NKAIN4: variants seen among roughly 807,000 people sequenced by gnomAD.
NKAIN4 encodes sodium/potassium transporting ATPase interacting 4.
In NKAIN4, 28 loss-of-function variants were observed where a neutral mutation model predicts 28.8. That is an observed-to-expected ratio of 0.97 (90% CI 0.72 to 1.33). The LOEUF is 1.33. Ranked by LOEUF, NKAIN4 falls within the 40% of genes most tolerant of loss-of-function variation. NKAIN4 has a pLI of 0.00. For synonymous variants in NKAIN4, 122 were observed against 115.6 expected, an observed-to-expected ratio of 1.06 and a Z score of -0.36; for missense variants, 289 against 277.2, an observed-to-expected ratio of 1.04 and a Z score of -0.30.
At position 63,247,580 on chromosome 20, in the gene NKAIN4, C is replaced by T. The variant is rs201902703; in HGVS notation, c.469G>A (p.Ala157Thr). Residue 157 changes from alanine (A) to threonine (T), a missense_variant and splice_region_variant, in exon 4 of 7, where the codon GCG (alanine) becomes ACG (threonine). By Grantham distance (58) the Ala-to-Thr change is moderately conservative. Coordinates refer to ENST00000370316, the MANE Select transcript of NKAIN4 (RefSeq NM_152864.4). Reference protein sequence around the residue: ...ALHSCLQILIALLGFVCGCQV... With the variant: ...ALHSCLQILITLLGFVCGCQV... The stretch of plus-strand genomic sequence containing the variant: ...GGGGCCCCCTTCCCCACGCTCACCG[C>T]GATCAGGATCTGCAGGCAACTGTGT... 64 of 1,546,482 alleles carry T rather than the reference C, an allele frequency of 4.1e-5. No individual in the cohort carries two copies. The East Asian group carries it at 9.8e-4, about 24-fold the overall frequency.
chr20:63,253,512 C>CGCGCGGTCCAGCTGCGCT, intron 1 of NKAIN4: 3 of 985,542 alleles, frequency 3.0e-6, no homozygotes, highest in African/African-American at 1.7e-5. Context: ...AGGAGGGGGG[C>CGCGCGGTCCAGCTGCGCT]GCGCGGTCCA....
rs2066741959 is a variant in NKAIN4, at chr20:63,241,086, T to G, written c.*411A>C. ...GGTCTCGGGCCTCACATTGACTTCC[T>G]GGGGAGGCTGCATCCCAGCAGCAGT... is the stretch of plus-strand genomic sequence containing the variant. On this transcript the variant is annotated 3_prime_UTR_variant, in exon 7 of 7. Coordinates refer to ENST00000370316, the MANE Select transcript of NKAIN4 (RefSeq NM_152864.4). 3 of 218,406 alleles carry G rather than the reference T, an allele frequency of 1.4e-5. No homozygotes were observed. The highest frequency in any genetic ancestry group is 9.2e-6 in the Non-Finnish European group (1 of 108,138). The allele number at this position is 218,406 out of a possible 1,614,324, so 13.5% of individuals were successfully genotyped here.
chr20:63,242,700 A>T, intron 5 of NKAIN4, 77 bp from the exon 6 acceptor site: 1 of 1,028,014 alleles, frequency 9.7e-7, no homozygotes, highest in Non-Finnish European at 1.4e-6. Context: ...AAGCCCAACC[A>T]GACAAAGAAG....
At chr20:63,254,474 C>A, upstream of NKAIN4, 3 of 1,302,712 alleles carry the variant, frequency 2.3e-6, no homozygotes, top group Non-Finnish European at 2.9e-6. Flanking sequence ...ACAGGAGGCC[C>A]CCGGGTGCCC....
rs2066745374 is a variant in NKAIN4 at position 63,241,268 on chromosome 20, T to A, written c.*229A>T. Reference sequence around the variant, plus strand: ...TTCTTTTGTATGTTTTCTTTTCTTTTTTTTTTTTAAGAGAAAGGAAATTAC... The same window carrying A: ...TTCTTTTGTATGTTTTCTTTTCTTTATTTTTTTTAAGAGAAAGGAAATTAC... On this transcript the variant is annotated 3_prime_UTR_variant, in exon 7 of 7. Transcript: ENST00000370316. The A allele has an allele frequency of 1.8e-6, 1 of 542,900 alleles. No individual in the cohort carries two copies. The highest frequency in any genetic ancestry group is 2.0e-5 in the African/African-American group (1 of 51,204). The allele number at this position is 542,900 out of a possible 1,614,324, so 33.6% of individuals were successfully genotyped here. A position where few individuals can be genotyped will look rare whatever the true frequency, so the allele number is the denominator to read the frequency against.
Position 63,252,796 on chromosome 20 carries a change from T to C in NKAIN4, c.54+1601A>G, listed in dbSNP as rs776606613. 1.6e-4 allele frequency among the ~76,000 whole-genome samples: 25 copies of C among 152,136 alleles called. No individual in the cohort carries two copies. Among genetic ancestry groups the C allele is most frequent in the Non-Finnish European group, 3.1e-4 (21 of 68,010 alleles). On this transcript the variant is annotated intron_variant, in intron 1 of 6. Transcript: ENST00000370316. The surrounding 1 kb of genome is among the most constrained non-coding windows in gnomAD (Gnocchi z 4.6). ...TTCCAAGGGCCTGCATGTGCGCCCA[T>C]CTGTCTACTGTCCACCGCAGAGGTG...
chr20:63,242,672 G>T lies in NKAIN4; in HGVS notation c.533-49C>A, dbSNP rs558721937. ...AAAACAAAACCTACACAATGGAAAA[G>T]ATGTCAGAGTGGAAAACAAGCCCAA... On this transcript the variant is annotated intron_variant, in intron 5 of 6. Coordinates refer to ENST00000370316, the MANE Select transcript of NKAIN4 (RefSeq NM_152864.4). The T allele has an allele frequency of 4.1e-6, 6 of 1,461,714 alleles. No homozygotes were observed. In the South Asian group the frequency reaches 5.7e-5, roughly 14 times the overall value. 90.5% of individuals were successfully genotyped at this position (1,461,714 alleles called of 1,614,324 possible). A position where few individuals can be genotyped will look rare whatever the true frequency, so the allele number is the denominator to read the frequency against.
At chr20:63,253,758 C>A (rs1189906766) in intron 1 of NKAIN4, among the ~76,000 whole-genome samples, 1 of 152,168 alleles carries the variant, frequency 6.6e-6, no homozygotes, top group Non-Finnish European at 1.5e-5. Context: ...ATCCCGACAC[C>A]GAAGACGCCC....
chr20:63,254,834 C>G (rs1449760587), upstream of NKAIN4: 1 of 182,460 alleles, frequency 5.5e-6, no homozygotes, highest in African/African-American at 2.3e-5. Context: ...AGCACCTGCT[C>G]CCGCCGTGCG....
intron 4 of NKAIN4, chr20:63,247,287 C>T: frequency 7.4e-7 from 1 of 1,351,448 alleles, no homozygotes; most frequent in South Asian, 1.6e-5. Context: ...GGTGTCTCGG[C>T]CTGATCCGAT....
rs949906849 is a variant in NKAIN4 at position 63,249,000 on chromosome 20, G to A, written c.193-105C>T. On this transcript the variant is annotated intron_variant, in intron 2 of 6. Transcript: ENST00000370316. ...GGTCCCATGATCGCATAGGAGGGGC[G>A]GCCTCTGCTCCTGAGTCTGGCGGCC... 1.6e-5 allele frequency: 12 copies of A among 770,106 alleles called. No individual in the cohort carries two copies. In the East Asian group the frequency reaches 1.6e-4, roughly 10 times the overall value. The allele number at this position is 770,106 out of a possible 1,614,324, so 47.7% of individuals were successfully genotyped here.
intron 4 of NKAIN4, chr20:63,246,949 C>A: frequency 1.0e-6 from 1 of 987,044 alleles, no homozygotes; most frequent in East Asian, 1.1e-4. Context: ...AGCATCGTAG[C>A]CCCTGTTCTC....
chr20:63,243,463 T>A (rs2066798125), intron 5 of NKAIN4, among the ~76,000 whole-genome samples: 1 of 151,984 alleles, frequency 6.6e-6, no homozygotes, highest in Admixed American at 6.6e-5. Context: ...CGTCTGCCCT[T>A]CCCCACCCGG....
chr20:63,253,388 G>A, intron 1 of NKAIN4: 1 of 985,414 alleles, frequency 1.0e-6, no homozygotes, highest in Non-Finnish European at 1.2e-6. Context: ...CCGCCCGCAA[G>A]CCTGTGCCCC....
At position 63,241,452 on chromosome 20, in the gene NKAIN4, C is replaced by T. The variant is rs761181248; in HGVS notation, c.*45G>A. ...GCTCCTGTCATTGTCACTGGTCGGT[C>T]GCTGAGGCTGGAGGCCACAGGAGCA... On this transcript the variant is annotated 3_prime_UTR_variant, in exon 7 of 7. Coordinates refer to ENST00000370316, the MANE Select transcript of NKAIN4 (RefSeq NM_152864.4). 9.0e-6 allele frequency: 14 copies of T among 1,549,684 alleles called. No homozygotes were observed. Among genetic ancestry groups the T allele is most frequent in the East Asian group, 2.4e-5 (1 of 40,866 alleles).
intron 2 of NKAIN4, chr20:63,249,271 C>G (rs955626130): frequency 8.0e-6 from 2 of 248,600 alleles, no homozygotes; most frequent in Admixed American, 9.7e-5. Flanking sequence ...AAGCCACCCC[C>G]AAGAGAGCAC....
At chr20:63,247,537 T>C in intron 4 of NKAIN4, 41 bp downstream of exon 4, 1 of 1,545,254 alleles carries the variant, frequency 6.5e-7, no homozygotes, top group Non-Finnish European at 8.7e-7. Context: ...CCCTCCCCCA[T>C]CAACCCATCC....
Position 63,242,621 on chromosome 20 carries a change from C to A in NKAIN4, c.535G>T (p.Asp179Tyr), listed in dbSNP as rs758385036. 6.2e-7 allele frequency: 1 copy of A among 1,610,590 alleles called. No homozygotes were observed. The highest frequency in any genetic ancestry group is 8.5e-7 in the Non-Finnish European group (1 of 1,177,264). ...SVFTEEEDSF[D>Y]FIGGFDPFPL... ...AATGGATCAAATCCACCAATGAAAT[C>A]AACTGAAAGAAATCAAGACCCAAAT... Residue 179 changes from aspartate to tyrosine, a missense_variant and splice_region_variant, in exon 6 of 7, where the codon GAT (aspartate) becomes TAT (tyrosine). Transcript: ENST00000370316.
At position 63,241,510 on chromosome 20, in the gene NKAIN4, TG is replaced by T. The variant is rs2123041097; in HGVS notation, c.618-5del. The stretch of plus-strand genomic sequence containing the variant: ...CTGTTTCCTCACTTACGCAGGCCTG[TG>T]GGGACAAGGTCAGAGAGCACCTGGG... On this transcript the variant is annotated splice_polypyrimidine_tract_variant and splice_region_variant and intron_variant, in intron 6 of 6. Transcript: ENST00000370316. 2 of 1,549,902 alleles carry T rather than the reference TG, an allele frequency of 1.3e-6. No individual in the cohort carries two copies. The highest frequency in any genetic ancestry group is 2.4e-5 in the South Asian group (2 of 84,036).
Sources: allele counts gnomAD v4.1 joint callset (sites outside exome capture counted in the v4.1 genomes callset), GRCh38; gene constraint gnomAD v4.1.1; non-coding constraint Gnocchi (gnomAD v3.1); transcripts MANE v1.5; gene names NCBI Gene and HGNC (gene_info 2026-07-23, HGNC 2026-07-21).